The following USP15 variants were observed in gnomAD, a reference collection of about 807,000 sequenced individuals.
USP15 encodes the protein ubiquitin specific peptidase 15, also known as ubiquitin carboxyl-terminal hydrolase 15.
Under a neutral mutation model 127.1 loss-of-function variants are expected in USP15, and 18 were observed. That is an observed-to-expected ratio of 0.14 (90% confidence interval 0.10 to 0.21). The LOEUF is 0.21. USP15 is among the 10% of genes least tolerant of loss of function. USP15 has a pLI of 1.00. For synonymous variants in USP15, 364 were observed against 393.7 expected, an observed-to-expected ratio of 0.92 and a Z score of 0.89; for missense variants, 805 against 1,159.9, an observed-to-expected ratio of 0.69 and a Z score of 4.44.
chr12:62,383,982 A>C lies in USP15; in HGVS notation c.1232A>C (p.Asp411Ala). Residue 411 changes from aspartate to alanine, a missense_variant, in exon 10 of 22, where the codon GAT becomes GCT. Around this residue, in one of 11 missense-constraint regions of USP15, gnomAD observed 84 missense variants for 210.3 expected, o/e 0.40. Transcript: ENST00000280377. The part of the protein sequence containing the change: ...KKPYIQLKDA[D>A]GRPDKVVAEE... ...CCATATATACAATTAAAAGATGCAG[A>C]TGGAAGGCCAGATAAGGTAAATTTC... The C allele has an allele frequency of 6.2e-7, 1 of 1,612,298 alleles. No individual in the cohort carries two copies. The highest frequency in any genetic ancestry group is 1.3e-5 in the African/African-American group (1 of 74,960).
At chr12:62,383,641 A>G (rs1385192301) in intron 9 of USP15, among the ~76,000 whole-genome samples, 199 bp from the exon 10 acceptor site, 1 of 152,004 alleles carries the variant, frequency 6.6e-6, no homozygotes, top group Non-Finnish European at 1.5e-5. Context: ...GGTAACATGC[A>G]TATCAGGTGA....
At position 62,391,390 on chromosome 12, in the gene USP15, A is replaced by G. The variant is rs2067320669; in HGVS notation, c.2194A>G (p.Arg732Gly). 2 of 1,612,266 alleles carry G rather than the reference A, an allele frequency of 1.2e-6. No individual in the cohort carries two copies. The highest frequency in any genetic ancestry group is 3.4e-5 in the Admixed American group (2 of 59,586). Residue 732 changes from arginine to glycine, a missense_variant, in exon 16 of 22, where the codon AGG (arginine) becomes GGG (glycine). Around this residue, in one of 11 missense-constraint regions of USP15, gnomAD observed 225 missense variants for 239.5 expected, o/e 0.94. Coordinates refer to ENST00000280377, the MANE Select transcript of USP15 (RefSeq NM_001252078.2). Reference protein sequence around the residue: ...TDINYIKDDTRHIRFDDRQLR... With the variant: ...TDINYIKDDTGHIRFDDRQLR... ...TATCAACTACATCAAAGATGATACCAGGCATATAAGATTTGATGATAGGCA... is the reference window on the plus strand; with the variant it reads ...TATCAACTACATCAAAGATGATACCGGGCATATAAGATTTGATGATAGGCA...
chr12:62,340,313 A>AT (rs915343044), intron 6 of USP15, among the ~76,000 whole-genome samples: 1 of 151,244 alleles, frequency 6.6e-6, no homozygotes, highest in Non-Finnish European at 1.5e-5. Flanking sequence ...TATCTATTTT[A>AT]TTTTTTTCCA....
intron 19 of USP15, among the ~76,000 whole-genome samples, 167 bp from the exon 20 acceptor site, chr12:62,396,128 T>G (rs1025176013): frequency 6.6e-6 from 1 of 152,024 alleles, no homozygotes; most frequent in African/African-American, 2.4e-5. Context: ...GTAAGTTATT[T>G]GACTCATGAT....
intron 1 of USP15, chr12:62,278,747 T>C (rs916859286): frequency 1.3e-5 from 2 of 152,182 alleles, no homozygotes; most frequent in African/African-American, 4.8e-5. Flanking sequence ...ATGCCTAACG[T>C]ACCATACAAT....
At chr12:62,271,318 T>C (rs2063340799) in intron 1 of USP15, among the ~76,000 whole-genome samples, 1 of 152,020 alleles carries the variant, frequency 6.6e-6, no homozygotes, top group African/African-American at 2.4e-5. Flanking sequence ...TATAAAAATA[T>C]TCATGGAATG....
intron 8 of USP15, among the ~76,000 whole-genome samples, chr12:62,371,611 G>A (rs909186425): frequency 2.0e-5 from 3 of 151,848 alleles, no homozygotes; most frequent in African/African-American, 4.8e-5. Flanking sequence ...TTTTTCTAGC[G>A]GTTCATTTTT....
chr12:62,334,940 A>G lies in USP15; in HGVS notation c.683+9007A>G, dbSNP rs1177428889. On this transcript the variant is annotated intron_variant, in intron 6 of 21. Transcript: ENST00000280377. ...TGTTTTTAGTTGAAACATATTGGGC[A>G]TAGGGAAATTCAGATACTACAAACT... Among the ~76,000 whole-genome samples, 7 of 152,304 alleles carry G rather than the reference A, an allele frequency of 4.6e-5. No homozygotes were observed. In the East Asian group the frequency reaches 1.3e-3, roughly 29 times the overall value.
intron 1 of USP15, among the ~76,000 whole-genome samples, chr12:62,290,365 A>C (rs1467875978): frequency 6.6e-6 from 1 of 152,136 alleles, no homozygotes; most frequent in Non-Finnish European, 1.5e-5. Context: ...CTTTATAATA[A>C]CTTTGTGTAT....
At chr12:62,332,703 A>G (rs1389142734) in intron 6 of USP15, among the ~76,000 whole-genome samples, 3 of 152,254 alleles carry the variant, frequency 2.0e-5, no homozygotes, top group Non-Finnish European at 2.9e-5. Flanking sequence ...AAAATGTACT[A>G]TCGTCCAGAA....
At chr12:62,279,810 C>A (rs1403179702) in intron 1 of USP15, among the ~76,000 whole-genome samples, 1 of 152,142 alleles carries the variant, frequency 6.6e-6, no homozygotes, top group East Asian at 1.9e-4. Flanking sequence ...TATGCATGAT[C>A]TGTTGTGCCA....
At chr12:62,334,879 A>C (rs759241374) in intron 6 of USP15, among the ~76,000 whole-genome samples, 1 of 152,182 alleles carries the variant, frequency 6.6e-6, no homozygotes, top group African/African-American at 2.4e-5. Context: ...ATGTTTTTCT[A>C]TTGAAGTAAG....
rs1049086578 is a variant in USP15, at chr12:62,414,676, T to A, written c.*10301T>A. The A allele has an allele frequency of 1.1e-4, 16 of 152,182 alleles. No individual in the cohort carries two copies. The highest frequency in any genetic ancestry group is 3.9e-4 in the African/African-American group (16 of 41,444). 9.4% of individuals were successfully genotyped at this position (152,182 alleles called of 1,614,324 possible). The stretch of plus-strand genomic sequence containing the variant: ...AACCAGTACTAAATAACTACATGTC[T>A]TTGGCAGCCTATAATGTAGCATCCC... On this transcript the variant is annotated 3_prime_UTR_variant, in exon 22 of 22. Transcript: ENST00000280377.
chr12:62,326,958 C>T (rs1592594363), intron 6 of USP15, among the ~76,000 whole-genome samples: 1 of 151,760 alleles, frequency 6.6e-6, no homozygotes, highest in Non-Finnish European at 1.5e-5. Context: ...GGTGAAACCC[C>T]ATCTCTACTA....
At chr12:62,373,274 T>A (rs2066729906) in intron 8 of USP15, among the ~76,000 whole-genome samples, 1 of 152,048 alleles carries the variant, frequency 6.6e-6, no homozygotes. Context: ...GAGTTTTCCT[T>A]CCTTGGTCCT....
At chr12:62,324,998 G>A (rs531049713) in intron 5 of USP15, among the ~76,000 whole-genome samples, 12 of 151,962 alleles carry the variant, frequency 7.9e-5, no homozygotes, top group South Asian at 6.2e-4. Flanking sequence ...TTTATTTCAC[G>A]TCATATTGTC....
At chr12:62,369,540 A>G (rs1480535853) in intron 8 of USP15, among the ~76,000 whole-genome samples, 1 of 151,772 alleles carries the variant, frequency 6.6e-6, no homozygotes, top group Admixed American at 6.6e-5. Context: ...CACATGTGCC[A>G]GCTCTAAAAA....
chr12:62,264,011 CAG>C (rs1266794856), intron 1 of USP15, among the ~76,000 whole-genome samples: 1 of 152,088 alleles, frequency 6.6e-6, no homozygotes, highest in Non-Finnish European at 1.5e-5. Flanking sequence ...GTTTTTGAAA[CAG>C]AGTCTCGCTG....
At chr12:62,275,725 G>A (rs1184923214) in intron 1 of USP15, among the ~76,000 whole-genome samples, 1 of 152,056 alleles carries the variant, frequency 6.6e-6, no homozygotes, top group East Asian at 1.9e-4. Flanking sequence ...CAGCATAGGA[G>A]CAAAAATTAT....
Sources: allele counts gnomAD v4.1 joint callset (sites outside exome capture counted in the v4.1 genomes callset), GRCh38; gene constraint gnomAD v4.1.1; regional missense constraint gnomAD v4.1.1; transcripts MANE v1.5; gene names NCBI Gene and HGNC (gene_info 2026-07-23, HGNC 2026-07-21).